The following NMRK2 variants were observed in gnomAD, a reference collection of about 807,000 sequenced individuals.
The protein encoded by NMRK2 is NRK 2.
In NMRK2, 34 loss-of-function variants were observed where a neutral mutation model predicts 24.7. That is an observed-to-expected ratio of 1.37 (90% confidence interval 1.05 to 1.83). The LOEUF is 1.83. Ranked by LOEUF, NMRK2 falls within the 40% of genes most tolerant of loss-of-function variation. NMRK2 has a pLI of 0.00. For missense variants in NMRK2, 341 were observed against 315.0 expected (o/e 1.08, Z -0.62); for synonymous variants, 145 against 125.6 (o/e 1.15, Z -1.03).
intron 2 of NMRK2, among the ~76,000 whole-genome samples, chr19:3,934,573 G>T (rs1474894560): frequency 6.6e-6 from 1 of 150,946 alleles, no homozygotes; most frequent in African/African-American, 2.4e-5. Context: ...TTTGGGGGGG[G>T]GGTGTTGTTG....
chr19:3,941,871 G>C (rs558726040), intron 7 of NMRK2, among the ~76,000 whole-genome samples: 71 of 152,198 alleles, frequency 4.7e-4, no homozygotes, highest in African/African-American at 1.6e-3. Context: ...TCGAACTCCT[G>C]ACCTCGTGAT....
rs1184433205 is a variant in NMRK2, at chr19:3,941,090, C to T, written c.415C>T (p.Pro139Ser). 6.2e-7 allele frequency: 1 copy of T among 1,613,456 alleles called. No individual in the cohort carries two copies. Among genetic ancestry groups the T allele is most frequent in the African/African-American group, 1.3e-5 (1 of 74,926 alleles). Residue 139 changes from proline to serine, a missense_variant, in exon 7 of 8, where the codon CCT becomes TCT. Coordinates refer to ENST00000168977, the MANE Select transcript of NMRK2 (RefSeq NM_170678.3). Reference sequence around the variant, plus strand: ...CTGCAGTACCCGCAACTACACAGTCCCTGATCCCCCCGGCCTCTTCGATGG... The same window carrying T: ...CTGCAGTACCCGCAACTACACAGTCTCTGATCCCCCCGGCCTCTTCGATGG... ...WRRSTRNYTV[P>S]DPPGLFDGHV...
Position 3,938,675 on chromosome 19 carries a change from C to T in NMRK2, c.239C>T (p.Ala80Val), listed in dbSNP as rs867988319. 1 of 1,612,658 alleles carries T rather than the reference C, an allele frequency of 6.2e-7. No homozygotes were observed. Among genetic ancestry groups the T allele is most frequent in the Non-Finnish European group, 8.5e-7 (1 of 1,179,426 alleles). Residue 80 changes from alanine to valine, a missense_variant, in exon 5 of 8, where the codon GCC becomes GTC. Coordinates refer to ENST00000168977, the MANE Select transcript of NMRK2 (RefSeq NM_170678.3). ...TGGCTGAGCAGCCCGCAGAAGTTTG[C>T]CCGTGCCCACGGGGTCAGCGTCCAG... ...QAWLSSPQKF[A>V]RAHGVSVQPE...
At chr19:3,938,838 T>TTG in intron 5 of NMRK2, 79 bp downstream of exon 5, 3 of 558,294 alleles carry the variant, frequency 5.4e-6, no homozygotes, top group Middle Eastern at 5.7e-4. Flanking sequence ...TTTTTTTTTT[T>TTG]TTTTTGTTTT....
chr19:3,938,839 T>TTG, intron 5 of NMRK2, 80 bp downstream of exon 5: 1 of 473,424 alleles, frequency 2.1e-6, no homozygotes, highest in Non-Finnish European at 2.9e-6. Context: ...TTTTTTTTTT[T>TTG]TTTTGTTTTG....
chr19:3,936,549 G>A (rs753170349), intron 2 of NMRK2, 26 bp from the exon 3 acceptor site: 1 of 1,519,898 alleles, frequency 6.6e-7, no homozygotes, highest in East Asian at 2.5e-5. Context: ...AGCCCAGGCA[G>A]TCTCATGCAC....
intron 3 of NMRK2, 85 bp from the exon 4 acceptor site, chr19:3,937,155 A>T: frequency 7.2e-7 from 1 of 1,385,748 alleles, no homozygotes; most frequent in Non-Finnish European, 1.0e-6. Flanking sequence ...AGCTCCAGCA[A>T]GGGACCCCCT....
intron 3 of NMRK2, among the ~76,000 whole-genome samples, chr19:3,937,012 TC>T (rs2039225727): frequency 1.3e-5 from 2 of 152,010 alleles, no homozygotes; most frequent in African/African-American, 4.8e-5. Flanking sequence ...ACCTCCCCTT[TC>T]CCATCTGCAA....
intron 2 of NMRK2, among the ~76,000 whole-genome samples, chr19:3,935,251 CTTTTTTTTTTTT>C (rs900517564): frequency 9.5e-6 from 1 of 105,642 alleles, no homozygotes; most frequent in Non-Finnish European, 1.9e-5. Context: ...TTCCGTCAGT[CTTTTTTTTTTTT>C]TTTTTTTTTT....
chr19:3,938,689 G>A lies in NMRK2; in HGVS notation c.253G>A (p.Val85Ile). 1 of 1,612,838 alleles carries A rather than the reference G, an allele frequency of 6.2e-7. No individual in the cohort carries two copies. Among genetic ancestry groups the A allele is most frequent in the South Asian group, 1.1e-5 (1 of 90,982 alleles). The part of the protein sequence containing the change: ...SPQKFARAHG[V>I]SVQPEASDTH... ...GCAGAAGTTTGCCCGTGCCCACGGG[G>A]TCAGCGTCCAGCCAGAGGCCTCGGA... Residue 85 changes from valine to isoleucine, a missense_variant, in exon 5 of 8, where the codon GTC becomes ATC. By Grantham distance (29) the Val-to-Ile change is conservative. Transcript: ENST00000168977.
chr19:3,936,332 C>T (rs182441605), intron 2 of NMRK2, among the ~76,000 whole-genome samples: 61 of 151,942 alleles, frequency 4.0e-4, no homozygotes, highest in Admixed American at 5.9e-4. Context: ...TGCTTGAACC[C>T]GGGAGGTAGA....
intron 1 of NMRK2, 124 bp from the exon 2 acceptor site, chr19:3,933,334 A>C: frequency 1.3e-5 from 3 of 238,172 alleles, no homozygotes; most frequent in East Asian, 6.8e-5. Context: ...GGTGGAGAGG[A>C]GGGAGGAGGG....
rs771323973 is a variant in NMRK2 at position 3,942,087 on chromosome 19, C to T, written c.507C>T (p.Tyr169=). ...EMEANGVEVV[Y]LDGMKSREEL... ...ACGCAGCCTTTCTGATTTCAGTCTA[C>T]CTGGACGGCATGAAGTCCCGAGAGG... The change falls in exon 8 of 8, where the codon TAC becomes TAT. Residue 169 remains tyrosine (Y), a synonymous_variant. Transcript: ENST00000168977. 2 of 1,613,076 alleles carry T rather than the reference C, an allele frequency of 1.2e-6. No homozygotes were observed. Among genetic ancestry groups the T allele is most frequent in the East Asian group, 2.2e-5 (1 of 44,870 alleles).
chr19:3,942,191 G>C lies in NMRK2; in HGVS notation c.611G>C (p.Arg204Pro), dbSNP rs749330791. 3 of 1,613,094 alleles carry C rather than the reference G, an allele frequency of 1.9e-6. No individual in the cohort carries two copies. The highest frequency in any genetic ancestry group is 2.5e-6 in the Non-Finnish European group (3 of 1,179,978). Residue 204 changes from arginine to proline, a missense_variant, in exon 8 of 8, where the codon CGC becomes CCC. Physicochemically the swap from Arg to Pro is moderately radical, Grantham distance 103. Transcript: ENST00000168977. ...CAGGAATCAGCCCCCTCCCCGGCTCGCCCAGCCAGGACACAGGGACCCGGA... is the reference window on the plus strand; with the variant it reads ...CAGGAATCAGCCCCCTCCCCGGCTCCCCCAGCCAGGACACAGGGACCCGGA... ...RSQESAPSPA[R>P]PARTQGPGRG...
intron 7 of NMRK2, among the ~76,000 whole-genome samples, 171 bp from the exon 8 acceptor site, chr19:3,941,912 A>G (rs1220873522): frequency 6.6e-6 from 1 of 152,016 alleles, no homozygotes; most frequent in African/African-American, 2.4e-5. Flanking sequence ...AAGTGCTAGG[A>G]TTACAGGTGT....
chr19:3,938,476 G>A, intron 4 of NMRK2, 127 bp from the exon 5 acceptor site: 3 of 690,542 alleles, frequency 4.3e-6, no homozygotes, highest in African/African-American at 2.1e-5. Context: ...TCCCCCCGGG[G>A]TCCACCCTCC....
In NMRK2 at chr19:3,942,226, G is replaced by T. The variant is rs767115630; in HGVS notation, c.646G>T (p.Gly216Cys). Residue 216 changes from glycine (G) to cysteine (C), a missense_variant, in exon 8 of 8, where the codon GGC becomes TGC. Gly to Cys is a radical substitution (Grantham distance 159). Coordinates refer to ENST00000168977, the MANE Select transcript of NMRK2 (RefSeq NM_170678.3). ...GACACAGGGACCCGGACGCGGATGC[G>T]GCCACAGAACGGCCAGGCCTGCAGC... ...ARTQGPGRGCGHRTARPAASQ... is the reference protein window; with the variant it reads ...ARTQGPGRGCCHRTARPAASQ... The T allele has an allele frequency of 5.0e-6, 8 of 1,612,440 alleles. No homozygotes were observed. The highest frequency in any genetic ancestry group is 6.8e-6 in the Non-Finnish European group (8 of 1,179,840).
Position 3,938,621 on chromosome 19 carries a change from T to C in NMRK2, c.185T>C (p.Met62Thr), listed in dbSNP as rs1446096335. The change falls in exon 5 of 8, where the codon ATG becomes ACG. Residue 62 changes from methionine to threonine, a missense_variant. Transcript: ENST00000168977. ...KQWDVLESLDMEAMLDTVQAW... is the reference protein window; with the variant it reads ...KQWDVLESLDTEAMLDTVQAW... ...TCCCCAGTGCTGGAGTCTCTGGACA[T>C]GGAGGCCATGCTGGACACCGTGCAG... 6.3e-6 allele frequency: 10 copies of C among 1,592,806 alleles called. No homozygotes were observed. Among genetic ancestry groups the C allele is most frequent in the Non-Finnish European group, 8.6e-6 (10 of 1,166,862 alleles).
At chr19:3,941,253 T>G in intron 7 of NMRK2, 76 bp downstream of exon 7, 1 of 655,928 alleles carries the variant, frequency 1.5e-6, no homozygotes, top group Non-Finnish European at 2.4e-6. Flanking sequence ...CTCCATCTTT[T>G]TTTTTTTTTT....
Sources: allele counts gnomAD v4.1 joint callset (sites outside exome capture counted in the v4.1 genomes callset), GRCh38; gene constraint gnomAD v4.1.1; transcripts MANE v1.5; gene names NCBI Gene and HGNC (gene_info 2026-07-23, HGNC 2026-07-21).